EYS: variants seen among roughly 807,000 people sequenced by gnomAD.
The protein encoded by EYS is protein eyes shut homolog.
A neutral mutation model predicts 282.1 loss-of-function variants in EYS; 250 were observed. The observed-to-expected ratio is 0.89, with a 90% CI of 0.80 to 0.98. EYS has a LOEUF of 0.98. Among genes scored for constraint, EYS ranks in the 50% least tolerant of loss-of-function variants. The pLI, the probability that EYS is intolerant of heterozygous loss-of-function variation, is 0.00. For missense variants in EYS, 4,016 were observed against 3,709.0 expected (o/e 1.08, Z -2.15); for synonymous variants, 1,355 against 1,282.9 (o/e 1.06, Z -1.20).
At chr6:64,770,946 T>C (rs758590420) in intron 22 of EYS, among the ~76,000 whole-genome samples, 1 of 151,830 alleles carries the variant, frequency 6.6e-6, no homozygotes, top group Non-Finnish European at 1.5e-5. Context: ...ATATAATATA[T>C]TGCAATTCAA....
At chr6:64,843,246 C>T in intron 19 of EYS, among the ~76,000 whole-genome samples, 1 of 152,072 alleles carries the variant, frequency 6.6e-6, no homozygotes, top group Non-Finnish European at 1.5e-5. Flanking sequence ...GTTGGACCCC[C>T]CACACAGAAC....
chr6:64,055,953 A>G (rs1013968541), intron 33 of EYS, among the ~76,000 whole-genome samples: 21 of 152,220 alleles, frequency 1.4e-4, no homozygotes, highest in Admixed American at 3.9e-4. Flanking sequence ...ATCAGCCTCA[A>G]TCAGTTACGG....
At chr6:64,578,319 C>T (rs1765946896) in intron 26 of EYS, among the ~76,000 whole-genome samples, 2 of 152,126 alleles carry the variant, frequency 1.3e-5, no homozygotes, top group African/African-American at 4.8e-5. Context: ...CTCTACCTTG[C>T]TTGCCTGCTC....
chr6:64,228,864 G>C (rs192253167), intron 31 of EYS, among the ~76,000 whole-genome samples: 71 of 152,196 alleles, frequency 4.7e-4, no homozygotes, highest in African/African-American at 1.6e-3. Flanking sequence ...AAGATACTAG[G>C]TAAAGAGTTA....
At chr6:63,996,582 A>G (rs1198450621) in intron 34 of EYS, among the ~76,000 whole-genome samples, 1 of 152,118 alleles carries the variant, frequency 6.6e-6, no homozygotes, top group Non-Finnish European at 1.5e-5. Flanking sequence ...AAAAAAAAGA[A>G]AACATCATAT....
At chr6:64,632,443 T>C (rs1767814562) in intron 22 of EYS, among the ~76,000 whole-genome samples, 1 of 152,130 alleles carries the variant, frequency 6.6e-6, no homozygotes, top group African/African-American at 2.4e-5. Context: ...TTACCTGTGC[T>C]GTAGCCAAAA....
intron 31 of EYS, among the ~76,000 whole-genome samples, chr6:64,229,169 G>A (rs1766341006): frequency 6.6e-6 from 1 of 152,114 alleles, no homozygotes; most frequent in South Asian, 2.1e-4. Context: ...CAGCTACTCT[G>A]GAAGCTGAAG....
intron 22 of EYS, among the ~76,000 whole-genome samples, chr6:64,656,164 A>C (rs1479635333): frequency 1.3e-5 from 2 of 149,318 alleles, no homozygotes; most frequent in Non-Finnish European, 3.0e-5. Context: ...TATTACAATC[A>C]AATACAGAGA....
At chr6:65,334,553 A>T (rs1414779448) in intron 11 of EYS, among the ~76,000 whole-genome samples, 1 of 151,898 alleles carries the variant, frequency 6.6e-6, no homozygotes, top group Non-Finnish European at 1.5e-5. Context: ...TACAGGCTTA[A>T]GTCACTGTGC....
intron 2 of EYS, among the ~76,000 whole-genome samples, chr6:65,580,215 C>A (rs1028811775): frequency 1.3e-5 from 2 of 152,004 alleles, no homozygotes; most frequent in African/African-American, 4.8e-5. Context: ...ATTAATTCAG[C>A]AAAAGTGGAG....
At chr6:64,886,631 AT>A in intron 19 of EYS, 65 bp downstream of exon 19, 1 of 1,333,644 alleles carries the variant, frequency 7.5e-7, no homozygotes, top group Non-Finnish European at 1.0e-6. Context: ...TGGAGTATAA[AT>A]ATGAGGTTTC....
intron 12 of EYS, among the ~76,000 whole-genome samples, chr6:65,178,312 T>A (rs1765279467): frequency 6.6e-6 from 1 of 152,058 alleles, no homozygotes; most frequent in South Asian, 2.1e-4. Flanking sequence ...AATCTGTCTT[T>A]CTAAACTTGT....
At chr6:65,216,209 A>G (rs984673825) in intron 12 of EYS, among the ~76,000 whole-genome samples, 2 of 152,088 alleles carry the variant, frequency 1.3e-5, no homozygotes, top group African/African-American at 4.8e-5. Context: ...ATGTTTATAT[A>G]TTTATATTTT....
At position 65,006,055 on chromosome 6, in the gene EYS, A is replaced by T. The variant is rs1460626189; in HGVS notation, c.2138-8352T>A. On this transcript the variant is annotated intron_variant, in intron 13 of 42. Coordinates refer to ENST00000503581, the MANE Select transcript of EYS (RefSeq NM_001142800.2). ...TAAGGAGGCTCTACACTGTGTCCTT[A>T]GGCACCTAGGCTATAACCCAGGGAG... Among the ~76,000 whole-genome samples, 4 of 151,966 alleles carry T rather than the reference A, an allele frequency of 2.6e-5. No homozygotes were observed. In the East Asian group the frequency reaches 5.8e-4, roughly 22 times the overall value.
At chr6:64,031,823 A>G (rs7776235) in intron 33 of EYS, among the ~76,000 whole-genome samples, 64,921 of 151,826 alleles carry the variant, frequency 0.43, 15,117 homozygotes, top group African/African-American at 0.63. Context: ...ACCAATCAGC[A>G]CCCTGTCAAA....
In EYS at chr6:64,593,005, A is replaced by G. The variant is rs16895524; in HGVS notation, c.3877+112T>C. Reference sequence around the variant, plus strand: ...CAATAATGCTTAATTTTACACCCCTAAAAATCATGTATCTCAGAAAAAAAA... The same window carrying G: ...CAATAATGCTTAATTTTACACCCCTGAAAATCATGTATCTCAGAAAAAAAA... On this transcript the variant is annotated intron_variant, in intron 25 of 42. Coordinates refer to ENST00000503581, the MANE Select transcript of EYS (RefSeq NM_001142800.2). 94,315 of 772,330 alleles carry G rather than the reference A, an allele frequency of 0.12. 6,133 individuals carry two copies. The highest frequency in any genetic ancestry group is 0.14 in the East Asian group (4,471 of 31,768). 47.8% of individuals were successfully genotyped at this position (772,330 alleles called of 1,614,324 possible). A position where few individuals can be genotyped will look rare whatever the true frequency, so the allele number is the denominator to read the frequency against.
At chr6:65,510,583 G>A (rs1205896989) in intron 2 of EYS, among the ~76,000 whole-genome samples, 1 of 151,980 alleles carries the variant, frequency 6.6e-6, no homozygotes, top group East Asian at 1.9e-4. Context: ...CTGTAGGAAA[G>A]GTATTTCTTC....
chr6:64,867,837 T>C (rs1431611217), intron 19 of EYS, among the ~76,000 whole-genome samples: 1 of 151,650 alleles, frequency 6.6e-6, no homozygotes, highest in Non-Finnish European at 1.5e-5. Flanking sequence ...TGAATTGTAA[T>C]TATTTGTGTA....
At chr6:65,023,574 T>G (rs1299288088) in intron 13 of EYS, among the ~76,000 whole-genome samples, 1 of 152,176 alleles carries the variant, frequency 6.6e-6, no homozygotes, top group Non-Finnish European at 1.5e-5. Flanking sequence ...AGGAAAAAAT[T>G]CATAGTTCCC....
Sources: allele counts gnomAD v4.1 joint callset (sites outside exome capture counted in the v4.1 genomes callset), GRCh38; gene constraint gnomAD v4.1.1; transcripts MANE v1.5; gene names NCBI Gene and HGNC (gene_info 2026-07-23, HGNC 2026-07-21).